RGL2: variants seen among roughly 807,000 people sequenced by gnomAD.
The protein encoded by RGL2 is ral guanine nucleotide dissociation stimulator like 2.
In RGL2, 40 loss-of-function variants were observed where a neutral mutation model predicts 84.6. The ratio of observed to expected loss-of-function variants is 0.47; its 90% confidence interval spans 0.37 to 0.62. The LOEUF is 0.62. RGL2 is among the 20% of genes least tolerant of loss of function. RGL2 has a pLI of 0.00. For missense variants in RGL2, 865 were observed against 1,019.7 expected, an observed-to-expected ratio of 0.85 and a Z score of 2.07; for synonymous variants, 369 against 417.3, an observed-to-expected ratio of 0.88 and a Z score of 1.41.
chr6:33,299,648 T>C (rs1432270125), upstream of RGL2: 1 of 152,188 alleles, frequency 6.6e-6, no homozygotes, highest in Non-Finnish European at 1.5e-5. This position sits in a 1 kb window ranked among gnomAD's most constrained non-coding sequence, Gnocchi z 5.0. Context: ...CCAGAGGTGA[T>C]TGGAATATTC....
chr6:33,292,683 TCCTATACCCCA>T, intron 16 of RGL2, 139 bp from the exon 17 acceptor site: 2 of 746,548 alleles, frequency 2.7e-6, no homozygotes, highest in South Asian at 3.4e-5. Flanking sequence ...TATGGTGGCT[TCCTATACCCCA>T]TAAGCCAGCC....
At chr6:33,299,470 T>G (rs946859720), upstream of RGL2, 3 of 151,920 alleles carry the variant, frequency 2.0e-5, no homozygotes, top group Admixed American at 2.0e-4. This position sits in a 1 kb window ranked among gnomAD's most constrained non-coding sequence, Gnocchi z 5.0. Flanking sequence ...GGTTCCAGAT[T>G]CGGCTCTCAG....
In RGL2 at chr6:33,293,631, G is replaced by A. The variant is rs755244548; in HGVS notation, c.1577C>T (p.Pro526Leu). ...TGTCCACTGCGAGATGACCAATGTT[G>A]GCCGAAGCACCCGTGGGGCAGGAGG... is the stretch of plus-strand genomic sequence containing the variant. ...SDPPAPRVLR[P>L]TLVISQWTEV... The change falls in exon 14 of 18, where the codon CCA (proline) becomes CTA (leucine). Residue 526 changes from proline to leucine, a missense_variant. Transcript: ENST00000497454. This position sits in a 1 kb window ranked among gnomAD's most constrained non-coding sequence, Gnocchi z 7.0. 1.9e-6 allele frequency: 3 copies of A among 1,614,144 alleles called. No homozygotes were observed. The highest frequency in any genetic ancestry group is 3.3e-5 in the Admixed American group (2 of 60,014).
rs1357228026 is a variant in RGL2, at chr6:33,298,934, G to A, written c.-106C>T. On this transcript the variant is annotated 5_prime_UTR_variant, in exon 1 of 18. Coordinates refer to ENST00000497454, the MANE Select transcript of RGL2 (RefSeq NM_004761.5). This position sits in a 1 kb window ranked among gnomAD's most constrained non-coding sequence, Gnocchi z 4.8. ...CTGTTGCCGTCGGTCTCCGGCCCCG[G>A]ACCGAGTCCCCTCCCCGGCTTTTCC... 1.5e-5 allele frequency: 4 copies of A among 261,296 alleles called. No individual in the cohort carries two copies. Among genetic ancestry groups the A allele is most frequent in the Non-Finnish European group, 2.9e-5 (4 of 138,148 alleles). The allele number at this position is 261,296 out of a possible 1,614,324, so 16.2% of individuals were successfully genotyped here. A position where few individuals can be genotyped will look rare whatever the true frequency, so the allele number is the denominator to read the frequency against.
In RGL2 at chr6:33,292,095, TTCC is replaced by T; in HGVS notation, c.*4_*6del. The T allele has an allele frequency of 6.2e-7, 1 of 1,614,054 alleles. No homozygotes were observed. The highest frequency in any genetic ancestry group is 8.5e-7 in the Non-Finnish European group (1 of 1,179,992). On this transcript the variant is annotated 3_prime_UTR_variant, in exon 18 of 18. Transcript: ENST00000497454. Reference sequence around the variant, plus strand: ...CATGACTTCTGTAAGCCAACGGGGCTTCCTCCTCAGAACAGTGCCCGTGCAATC... The same window carrying T: ...CATGACTTCTGTAAGCCAACGGGGCTTCCTCAGAACAGTGCCCGTGCAATC...
intron 16 of RGL2, 127 bp from the exon 17 acceptor site, chr6:33,292,671 A>AAT: frequency 1.2e-6 from 1 of 810,892 alleles, no homozygotes; most frequent in Non-Finnish European, 2.0e-6. Context: ...AGGAAAACCC[A>AAT]ATATGGTGGC....
Position 33,293,776 on chromosome 6 carries a change from A to C in RGL2, c.1508+19T>G, listed in dbSNP as rs745478773. 49 of 1,613,772 alleles carry C rather than the reference A, an allele frequency of 3.0e-5. No individual in the cohort carries two copies. Among genetic ancestry groups the C allele is most frequent in the Non-Finnish European group, 4.2e-5 (49 of 1,179,826 alleles). The stretch of plus-strand genomic sequence containing the variant: ...CACCTGGCCAGAACCCTGGAGTCCC[A>C]ACCTCACCCGCCAGTCACCTCTGAG... On this transcript the variant is annotated intron_variant, in intron 13 of 17. Transcript: ENST00000497454. This position sits in a 1 kb window ranked among gnomAD's most constrained non-coding sequence, Gnocchi z 7.0.
At position 33,294,956 on chromosome 6, in the gene RGL2, A is replaced by G. The variant is rs1334914180; in HGVS notation, c.1278+21T>C. 1 of 1,531,626 alleles carries G rather than the reference A, an allele frequency of 6.5e-7. No individual in the cohort carries two copies. The highest frequency in any genetic ancestry group is 2.0e-5 in the Admixed American group (1 of 50,846). 94.9% of individuals were successfully genotyped at this position (1,531,626 alleles called of 1,614,324 possible). ...CTTCATAATCACCACCCCCACGCCCACCACCCCGCTAGTCACTCACCCCAC... is the reference window on the plus strand; with the variant it reads ...CTTCATAATCACCACCCCCACGCCCGCCACCCCGCTAGTCACTCACCCCAC... On this transcript the variant is annotated intron_variant, in intron 10 of 17. Coordinates refer to ENST00000497454, the MANE Select transcript of RGL2 (RefSeq NM_004761.5). The surrounding 1 kb of genome is among the most constrained non-coding windows in gnomAD (Gnocchi z 5.0).
chr6:33,301,467 C>T (rs987231673), upstream of RGL2: 7 of 417,044 alleles, frequency 1.7e-5, no homozygotes, highest in African/African-American at 1.0e-4. Context: ...CCAGCTACTC[C>T]GGAGGCTGAA....
At chr6:33,299,598 A>C (rs1204660315), upstream of RGL2, 1 of 152,110 alleles carries the variant, frequency 6.6e-6, no homozygotes, top group East Asian at 1.9e-4. This position sits in a 1 kb window ranked among gnomAD's most constrained non-coding sequence, Gnocchi z 5.0. Flanking sequence ...AACGGTGTCG[A>C]CGGGGCGTTC....
At position 33,297,054 on chromosome 6, in the gene RGL2, T is replaced by C; in HGVS notation, c.218A>G (p.Gln73Arg). The change falls in exon 3 of 18, where the codon CAA becomes CGA. Residue 73 changes from glutamine (Q) to arginine (R), a missense_variant. Gln to Arg is a conservative substitution (Grantham distance 43). Transcript: ENST00000497454. This position sits in a 1 kb window ranked among gnomAD's most constrained non-coding sequence, Gnocchi z 4.0. ...DGAVFTVTSR[Q>R]YRPLDPLVPM... ...CACCAAGGGATCAAGAGGTCGATATTGGCGGCTTGTGACGGTAAACACGGC... is the reference window on the plus strand; with the variant it reads ...CACCAAGGGATCAAGAGGTCGATATCGGCGGCTTGTGACGGTAAACACGGC... 1 of 1,578,188 alleles carries C rather than the reference T, an allele frequency of 6.3e-7. No individual in the cohort carries two copies. The highest frequency in any genetic ancestry group is 8.6e-7 in the Non-Finnish European group (1 of 1,164,210).
At chr6:33,298,944 C>T (rs1328654619), upstream of RGL2, 3 of 243,938 alleles carry the variant, frequency 1.2e-5, no homozygotes, top group African/African-American at 6.7e-5. The surrounding 1 kb of genome is among the most constrained non-coding windows in gnomAD (Gnocchi z 4.8). Context: ...GACCGAGTCC[C>T]CTCCCCGGCT....
In RGL2 at chr6:33,295,635, G is replaced by C; in HGVS notation, c.893C>G (p.Ala298Gly). Residue 298 changes from alanine to glycine, a missense_variant, in exon 7 of 18, where the codon GCA becomes GGA. Coordinates refer to ENST00000497454, the MANE Select transcript of RGL2 (RefSeq NM_004761.5). The surrounding 1 kb of genome is among the most constrained non-coding windows in gnomAD (Gnocchi z 7.2). ...CAGGACAGAACTAACCACTGCCCCT[G>C]CCACCTTGTTAAACTGTGTGACAGT... ...RATVTQFNKV[A>G]GAVVSSVLGA... 1 of 1,613,984 alleles carries C rather than the reference G, an allele frequency of 6.2e-7. No individual in the cohort carries two copies. The highest frequency in any genetic ancestry group is 8.5e-7 in the Non-Finnish European group (1 of 1,180,048).
rs1372605241 is a variant in RGL2, at chr6:33,295,008, T to G, written c.1247A>C (p.Lys416Thr). ...KLQSPLEPHS[K>T]KAPRSGSRGG... ...CCGGGAGCCAGACCTCGGGGCCTTC[T>G]TGGAGTGTGGCTCCAGAGGAGACTG... Residue 416 changes from lysine to threonine, a missense_variant, in exon 10 of 18, where the codon AAG (lysine) becomes ACG (threonine). Lys to Thr is a moderately conservative substitution (Grantham distance 78). Coordinates refer to ENST00000497454, the MANE Select transcript of RGL2 (RefSeq NM_004761.5). The surrounding 1 kb of genome is among the most constrained non-coding windows in gnomAD (Gnocchi z 7.2). The G allele has an allele frequency of 7.6e-6, 12 of 1,585,534 alleles. No individual in the cohort carries two copies. The highest frequency in any genetic ancestry group is 9.4e-6 in the Non-Finnish European group (11 of 1,165,458).
Position 33,295,547 on chromosome 6 carries a change from CTG to C in RGL2, c.979_980del (p.Gln327GlufsTer66). 1 of 1,613,972 alleles carries C rather than the reference CTG, an allele frequency of 6.2e-7. No individual in the cohort carries two copies. Among genetic ancestry groups the C allele is most frequent in the Non-Finnish European group, 8.5e-7 (1 of 1,180,002 alleles). On this transcript the variant is annotated frameshift_variant, in exon 7 of 18. Coordinates refer to ENST00000497454, the MANE Select transcript of RGL2 (RefSeq NM_004761.5). LOFTEE classifies it high-confidence loss of function. The surrounding 1 kb of genome is among the most constrained non-coding windows in gnomAD (Gnocchi z 7.2). ...TCCACTTCTCCAGGAGCCGGGCCCTCTGTGGGGGACGGAGTGGCCGTATGGTC... is the reference window on the plus strand; with the variant it reads ...TCCACTTCTCCAGGAGCCGGGCCCTCTGGGGGACGGAGTGGCCGTATGGTC... ...EVTIRPLRPP[Q>X]RARLLEKWIR...
At position 33,298,350 on chromosome 6, in the gene RGL2, G is replaced by C; in HGVS notation, c.156+105C>G. 2 of 639,718 alleles carry C rather than the reference G, an allele frequency of 3.1e-6. 1 individual carries two copies. Among genetic ancestry groups the C allele is most frequent in the South Asian group, 4.2e-5 (2 of 48,120 alleles). 39.6% of individuals were successfully genotyped at this position (639,718 alleles called of 1,614,324 possible). On this transcript the variant is annotated intron_variant, in intron 2 of 17. Coordinates refer to ENST00000497454, the MANE Select transcript of RGL2 (RefSeq NM_004761.5). The surrounding 1 kb of genome is among the most constrained non-coding windows in gnomAD (Gnocchi z 4.8). ...CGGGCCGACACCCAGGGAGGCGCGAGAATAACTGAGGCAAGGAGGAGGAGA... is the reference window on the plus strand; with the variant it reads ...CGGGCCGACACCCAGGGAGGCGCGACAATAACTGAGGCAAGGAGGAGGAGA...
Position 33,298,360 on chromosome 6 carries a change from G to A in RGL2, c.156+95C>T. On this transcript the variant is annotated intron_variant, in intron 2 of 17. Transcript: ENST00000497454. The surrounding 1 kb of genome is among the most constrained non-coding windows in gnomAD (Gnocchi z 4.8). ...CCCAGGGAGGCGCGAGAATAACTGA[G>A]GCAAGGAGGAGGAGATGTAGGGACC... 1.5e-6 allele frequency: 1 copy of A among 670,504 alleles called. No individual in the cohort carries two copies. The highest frequency in any genetic ancestry group is 2.0e-5 in the South Asian group (1 of 49,468). 41.5% of individuals were successfully genotyped at this position (670,504 alleles called of 1,614,324 possible). A position where few individuals can be genotyped will look rare whatever the true frequency, so the allele number is the denominator to read the frequency against.
rs764522183 is a variant in RGL2, at chr6:33,293,959, C to T, written c.1387-43G>A. Reference sequence around the variant, plus strand: ...AACTGCAGGAGCCAAAACTCAGGGACCCCTGACTTTTCCCCCTCCCCTTCC... The same window carrying T: ...AACTGCAGGAGCCAAAACTCAGGGATCCCTGACTTTTCCCCCTCCCCTTCC... On this transcript the variant is annotated intron_variant, in intron 12 of 17. Coordinates refer to ENST00000497454, the MANE Select transcript of RGL2 (RefSeq NM_004761.5). This position sits in a 1 kb window ranked among gnomAD's most constrained non-coding sequence, Gnocchi z 7.0. 4 of 1,613,956 alleles carry T rather than the reference C, an allele frequency of 2.5e-6. No homozygotes were observed. The highest frequency in any genetic ancestry group is 3.4e-6 in the Non-Finnish European group (4 of 1,180,022).
In RGL2 at chr6:33,295,773, G is replaced by A. The variant is rs1396224793; in HGVS notation, c.769-14C>T. The A allele has an allele frequency of 1.2e-6, 2 of 1,609,976 alleles. No individual in the cohort carries two copies. The highest frequency in any genetic ancestry group is 1.7e-4 in the Middle Eastern group (1 of 6,050). The stretch of plus-strand genomic sequence containing the variant: ...GAGAAAAAGTTCCTGCAGGGTAGAG[G>A]TCAGAGGTTAAAGTTCATAGTCAAG... On this transcript the variant is annotated splice_polypyrimidine_tract_variant and intron_variant, in intron 6 of 17. Transcript: ENST00000497454. This position sits in a 1 kb window ranked among gnomAD's most constrained non-coding sequence, Gnocchi z 7.2.
Sources: allele counts gnomAD v4.1 joint callset, GRCh38; gene constraint gnomAD v4.1.1; non-coding constraint Gnocchi (gnomAD v3.1); transcripts MANE v1.5; gene names NCBI Gene and HGNC (gene_info 2026-07-23, HGNC 2026-07-21).